The following SNTB1 variants were observed in gnomAD, a reference collection of about 807,000 sequenced individuals.
The protein encoded by SNTB1 is syntrophin beta 1.
In SNTB1, 36 loss-of-function variants were observed where a neutral mutation model predicts 48.9. The ratio of observed to expected loss-of-function variants is 0.74; its 90% confidence interval spans 0.56 to 0.97. The LOEUF is 0.97. Ranked by LOEUF, SNTB1 falls within the 50% of genes least tolerant of loss-of-function variation. The probability of loss-of-function intolerance (pLI) is 0.00; values close to 1 mark genes in which losing one functional copy is unlikely to be tolerated. For missense variants in SNTB1, 786 were observed against 703.4 expected, an observed-to-expected ratio of 1.12 and a Z score of -1.33; for synonymous variants, 299 against 294.6, an observed-to-expected ratio of 1.01 and a Z score of -0.15.
chr8:120,650,686 T>C (rs1817398352), intron 2 of SNTB1, among the ~76,000 whole-genome samples: 1 of 152,222 alleles, frequency 6.6e-6, no homozygotes, highest in Admixed American at 6.5e-5. Flanking sequence ...GAACTTCAGA[T>C]ACACGCATTT....
At chr8:120,637,144 T>G (rs909315819) in intron 2 of SNTB1, 43 of 317,862 alleles carry the variant, frequency 1.4e-4, no homozygotes, top group South Asian at 6.1e-4. Flanking sequence ...TATTCCTGAT[T>G]AGTCCTGTTT....
chr8:120,660,875 C>T (rs528642428), intron 2 of SNTB1, among the ~76,000 whole-genome samples: 18 of 152,200 alleles, frequency 1.2e-4, no homozygotes, highest in Admixed American at 5.2e-4. Flanking sequence ...ACAGGGAACA[C>T]GGAGACCTGA....
intron 2 of SNTB1, among the ~76,000 whole-genome samples, chr8:120,661,059 C>T (rs1456246584): frequency 6.6e-6 from 1 of 151,818 alleles, no homozygotes; most frequent in African/African-American, 2.4e-5. Context: ...ATAATAGATA[C>T]AAAATAATGA....
chr8:120,632,577 G>A lies in SNTB1; in HGVS notation c.863C>T (p.Ala288Val), dbSNP rs199924843. ...LRSKDSATAQ[A>V]WFSAIHSNVN... ...GTTGGAATGGATGGCACTGAACCAT[G>A]CCTGGGCCGTGGCTGAGTCCTTGCT... The change falls in exon 3 of 7, where the codon GCA becomes GTA. Residue 288 changes from alanine to valine, a missense_variant. Physicochemically the swap from Ala to Val is moderately conservative, Grantham distance 64. Transcript: ENST00000517992. 2 of 1,614,152 alleles carry A rather than the reference G, an allele frequency of 1.2e-6. No individual in the cohort carries two copies. The highest frequency in any genetic ancestry group is 1.7e-6 in the Non-Finnish European group (2 of 1,180,036).
intron 1 of SNTB1, among the ~76,000 whole-genome samples, chr8:120,737,630 T>C (rs1818970666): frequency 6.6e-6 from 1 of 152,144 alleles, no homozygotes; most frequent in South Asian, 2.1e-4. Flanking sequence ...ACAGCAGCTG[T>C]TGATTTGTAT....
At chr8:120,586,060 A>G (rs1816133634) in intron 3 of SNTB1, among the ~76,000 whole-genome samples, 1 of 152,248 alleles carries the variant, frequency 6.6e-6, no homozygotes, top group South Asian at 2.1e-4. Flanking sequence ...TACATTAACC[A>G]CAGAACCTTC....
chr8:120,631,274 G>A (rs185046035), intron 3 of SNTB1, among the ~76,000 whole-genome samples: 4 of 152,200 alleles, frequency 2.6e-5, no homozygotes, highest in East Asian at 3.9e-4. Context: ...TGAGGGCTAC[G>A]GGTGGTTTGT....
chr8:120,599,219 T>A (rs966604215), intron 3 of SNTB1, among the ~76,000 whole-genome samples: 1 of 152,240 alleles, frequency 6.6e-6, no homozygotes, highest in Non-Finnish European at 1.5e-5. Flanking sequence ...CAAGCCTTGG[T>A]CCTTGATTAT....
intron 5 of SNTB1, among the ~76,000 whole-genome samples, chr8:120,542,827 G>A (rs1815314126): frequency 6.6e-6 from 1 of 152,074 alleles, no homozygotes; most frequent in African/African-American, 2.4e-5. Flanking sequence ...TCAGGAATGA[G>A]TAGTTTAAAA....
intron 2 of SNTB1, among the ~76,000 whole-genome samples, chr8:120,642,758 A>T (rs1454027163): frequency 6.6e-6 from 1 of 152,150 alleles, no homozygotes; most frequent in African/African-American, 2.4e-5. Flanking sequence ...CAAAAAATTT[A>T]AAAATTAGTC....
rs763421293 is a variant in SNTB1 at position 120,541,958 on chromosome 8, T to C, written c.1376A>G (p.Tyr459Cys). Residue 459 changes from tyrosine to cysteine, a missense_variant, in exon 6 of 7, where the codon TAT becomes TGT. Coordinates refer to ENST00000517992, the MANE Select transcript of SNTB1 (RefSeq NM_021021.4). ...AGTGGTAATAGAAAATCCATTCTCATAATGTATGGTCAAACGGCACTCCTG... is the reference window on the plus strand; with the variant it reads ...AGTGGTAATAGAAAATCCATTCTCACAATGTATGGTCAAACGGCACTCCTG... ...KNQECRLTIHYENGFSITTEP... is the reference protein window; with the variant it reads ...KNQECRLTIHCENGFSITTEP... The C allele has an allele frequency of 1.2e-6, 2 of 1,613,888 alleles. No homozygotes were observed. Among genetic ancestry groups the C allele is most frequent in the East Asian group, 2.2e-5 (1 of 44,842 alleles).
intron 1 of SNTB1, among the ~76,000 whole-genome samples, chr8:120,730,198 G>A (rs4871107): frequency 0.1 from 15,437 of 151,502 alleles, 922 homozygotes; most frequent in East Asian, 0.18. Context: ...TTGCTCTGTC[G>A]CCTAGGCTGG....
intron 1 of SNTB1, among the ~76,000 whole-genome samples, chr8:120,725,322 T>C (rs1349446743): frequency 2.6e-5 from 4 of 152,174 alleles, no homozygotes. Flanking sequence ...CAGTATTCAT[T>C]CTTTAAGGAC....
intron 1 of SNTB1, among the ~76,000 whole-genome samples, chr8:120,723,190 T>C (rs1031858838): frequency 2.0e-5 from 3 of 152,180 alleles, no homozygotes; most frequent in Non-Finnish European, 4.4e-5. Context: ...TCACAACACT[T>C]GTTCTGACTA....
chr8:120,632,350 G>T, intron 3 of SNTB1, 94 bp downstream of exon 3: 1 of 1,134,960 alleles, frequency 8.8e-7, no homozygotes, highest in Non-Finnish European at 1.3e-6. Context: ...GTGAATGAGA[G>T]AATCAGCCTA....
At position 120,744,121 on chromosome 8, in the gene SNTB1, AT is replaced by A. The variant is rs35604534; in HGVS notation, c.572-50214del. Among the ~76,000 whole-genome samples, 1,038 of 135,926 alleles carry A rather than the reference AT, an allele frequency of 7.6e-3. 33 individuals are homozygous for A. The highest frequency in any genetic ancestry group is 0.034 in the Admixed American group (423 of 12,568). The allele number at this position is 135,926 out of a possible 152,430, so 89.2% of individuals were successfully genotyped here. On this transcript the variant is annotated intron_variant, in intron 1 of 6. Coordinates refer to ENST00000517992, the MANE Select transcript of SNTB1 (RefSeq NM_021021.4). ...CTCAAGCCTGGGTGACCCTGTCTCAATTTTTTTTTTTTTTTGCAAGGGAATC... is the reference window on the plus strand; with the variant it reads ...CTCAAGCCTGGGTGACCCTGTCTCAATTTTTTTTTTTTTTGCAAGGGAATC...
chr8:120,686,282 C>G (rs1185556098), intron 2 of SNTB1, among the ~76,000 whole-genome samples: 1 of 152,206 alleles, frequency 6.6e-6, no homozygotes, highest in Non-Finnish European at 1.5e-5. Flanking sequence ...TCTATTCAGG[C>G]TGCTATAAAA....
chr8:120,767,729 C>T (rs1055480017), intron 1 of SNTB1, among the ~76,000 whole-genome samples: 2 of 152,162 alleles, frequency 1.3e-5, no homozygotes, highest in African/African-American at 4.8e-5. Context: ...AATCAGACAC[C>T]TAAAGCCATT....
intron 1 of SNTB1, among the ~76,000 whole-genome samples, chr8:120,725,604 C>T (rs1211378374): frequency 6.6e-6 from 1 of 152,102 alleles, no homozygotes; most frequent in African/African-American, 2.4e-5. Flanking sequence ...AAAGTAATGG[C>T]AAAAACCACA....
Sources: gnomAD v4.1 joint callset for allele counts (sites outside exome capture counted in the v4.1 genomes callset) on GRCh38, gnomAD v4.1.1 for gene constraint, MANE v1.5 for transcripts, NCBI Gene and HGNC (gene_info 2026-07-23, HGNC 2026-07-21) for gene names.